The following XPOT variants were observed in gnomAD, a reference collection of about 807,000 sequenced individuals.
XPOT encodes the protein exportin for tRNA, also known as exportin-T.
In XPOT, 34 loss-of-function variants were observed where a neutral mutation model predicts 128.2. The observed-to-expected ratio is 0.27, with a 90% CI of 0.20 to 0.35. The LOEUF (loss-of-function observed/expected upper bound fraction) is 0.35. Among genes scored for constraint, XPOT ranks in the 10% least tolerant of loss-of-function variants. The pLI is 1.00. For missense variants in XPOT, 838 were observed against 1,125.3 expected (o/e 0.74, Z 3.65); for synonymous variants, 348 against 394.3 (o/e 0.88, Z 1.39).
chr12:64,414,846 T>G (rs2040072861), intron 2 of XPOT, 61 bp from the exon 3 acceptor site: 3 of 1,018,730 alleles, frequency 2.9e-6, no homozygotes, highest in Admixed American at 1.8e-5. Flanking sequence ...ATTTTGTTTA[T>G]ATTAGCAGGG....
At chr12:64,417,633 C>T (rs12827551) in intron 4 of XPOT, among the ~76,000 whole-genome samples, 2 of 151,946 alleles carry the variant, frequency 1.3e-5, no homozygotes, top group African/African-American at 2.4e-5. Flanking sequence ...GCCTGTTTTT[C>T]TACATGACAA....
At chr12:64,441,258 A>G (rs76112427) in intron 23 of XPOT, among the ~76,000 whole-genome samples, 15 of 152,200 alleles carry the variant, frequency 9.9e-5, no homozygotes, top group African/African-American at 2.9e-4. Context: ...TTCAAATTCT[A>G]TTTTGTTCCA....
intron 24 of XPOT, among the ~76,000 whole-genome samples, chr12:64,445,693 T>C (rs1183068592): frequency 1.3e-5 from 2 of 152,320 alleles, no homozygotes; most frequent in East Asian, 1.9e-4. Context: ...AATGACTGCT[T>C]TTTATGTACC....
chr12:64,439,735 G>C (rs2040310189), intron 23 of XPOT, among the ~76,000 whole-genome samples: 1 of 152,164 alleles, frequency 6.6e-6, no homozygotes, highest in African/African-American at 2.4e-5. Flanking sequence ...GCTTATCAAT[G>C]CTTAATCTGT....
chr12:64,417,946 G>C, intron 4 of XPOT, 100 bp from the exon 5 acceptor site: 4 of 808,338 alleles, frequency 4.9e-6, no homozygotes, highest in Non-Finnish European at 7.8e-6. Context: ...ATAATTGAGA[G>C]CTATACAAAT....
chr12:64,410,017 T>A lies in XPOT; in HGVS notation c.-19T>A, dbSNP rs2136010239. 1.2e-6 allele frequency: 2 copies of A among 1,612,634 alleles called. No individual in the cohort carries two copies. Among genetic ancestry groups the A allele is most frequent in the Non-Finnish European group, 1.7e-6 (2 of 1,179,068 alleles). On this transcript the variant is annotated 5_prime_UTR_variant, in exon 2 of 25. Coordinates refer to ENST00000332707, the MANE Select transcript of XPOT (RefSeq NM_007235.6). ...GGCACGCCTATTACAACCAGAAAAC[T>A]ACAAGTATAACAGCGAGGATGGATG...
At position 64,425,361 on chromosome 12, in the gene XPOT, C is replaced by G; in HGVS notation, c.1476C>G (p.Ser492=). 6.2e-7 allele frequency: 1 copy of G among 1,613,284 alleles called. No homozygotes were observed. Among genetic ancestry groups the G allele is most frequent in the Non-Finnish European group, 8.5e-7 (1 of 1,179,956 alleles). ...MRTLVTSGVS[S]YQHTSVTLEF... ...AGCTGGTAACATCAGGAGTCAGTTC[C>G]TATCAGCATACATCTGTGACATTGG... Residue 492 remains serine (S), a synonymous_variant, in exon 14 of 25, where the codon TCC becomes TCG. Transcript: ENST00000332707.
intron 21 of XPOT, 64 bp downstream of exon 21, chr12:64,434,973 G>A: frequency 7.5e-7 from 1 of 1,328,948 alleles, no homozygotes; most frequent in Non-Finnish European, 1.1e-6. Context: ...CTTCTTTAAT[G>A]CCAGGTTGAT....
intron 2 of XPOT, among the ~76,000 whole-genome samples, chr12:64,414,190 A>C (rs1313347034): frequency 6.6e-6 from 1 of 152,236 alleles, no homozygotes; most frequent in Non-Finnish European, 1.5e-5. Flanking sequence ...AGTTTGGTAG[A>C]GAGCGTATGG....
intron 1 of XPOT, among the ~76,000 whole-genome samples, chr12:64,406,272 C>T (rs1346003847): frequency 1.5e-4 from 23 of 151,778 alleles, no homozygotes. Flanking sequence ...GACGGCGTTT[C>T]ACCGTGTTGG....
chr12:64,420,548 A>T (rs200171060), intron 8 of XPOT, 27 bp downstream of exon 8: 1 of 1,575,592 alleles, frequency 6.3e-7, no homozygotes. Context: ...AAAACATTGT[A>T]TGTAAAGTTG....
At chr12:64,445,355 A>G (rs2040359608) in intron 24 of XPOT, among the ~76,000 whole-genome samples, 1 of 152,212 alleles carries the variant, frequency 6.6e-6, no homozygotes, top group Non-Finnish European at 1.5e-5. Flanking sequence ...ATTAAATAGA[A>G]ACTAGAGGGA....
intron 4 of XPOT, 40 bp from the exon 5 acceptor site, chr12:64,418,006 A>C (rs946950707): frequency 6.5e-7 from 1 of 1,532,100 alleles, no homozygotes; most frequent in Non-Finnish European, 8.9e-7. Context: ...CATAGACACC[A>C]AATATAGCCA....
intron 16 of XPOT, among the ~76,000 whole-genome samples, chr12:64,429,168 G>A (rs1476482294): frequency 6.6e-6 from 1 of 152,226 alleles, no homozygotes; most frequent in Non-Finnish European, 1.5e-5. Flanking sequence ...AATGCTGTGT[G>A]TAATGTACTT....
chr12:64,447,709 G>C (rs760392330), intron 24 of XPOT, among the ~76,000 whole-genome samples: 2 of 151,964 alleles, frequency 1.3e-5, no homozygotes, highest in African/African-American at 4.8e-5. Context: ...CAAACTCCTG[G>C]CTTCAGGCCT....
chr12:64,430,009 C>G lies in XPOT; in HGVS notation c.1738-40C>G. 2.7e-6 allele frequency: 4 copies of G among 1,503,816 alleles called. No homozygotes were observed. The South Asian group carries it at 4.2e-5, about 16-fold the overall frequency. 93.2% of individuals were successfully genotyped at this position (1,503,816 alleles called of 1,614,324 possible). A position where few individuals can be genotyped will look rare whatever the true frequency, so the allele number is the denominator to read the frequency against. ...TTTTTCTCATTAAATGAAGGGAACT[C>G]AAAAAATAAAAGCTTTAATAAGACT... On this transcript the variant is annotated intron_variant, in intron 16 of 24. Transcript: ENST00000332707.
chr12:64,411,079 A>T (rs189254053), intron 2 of XPOT, among the ~76,000 whole-genome samples: 2 of 152,354 alleles, frequency 1.3e-5, no homozygotes, highest in East Asian at 3.9e-4. Context: ...TCTGCTACTA[A>T]ATAAGTAACG....
intron 12 of XPOT, 40 bp downstream of exon 12, chr12:64,424,763 C>A: frequency 1.2e-6 from 2 of 1,606,518 alleles, no homozygotes; most frequent in Non-Finnish European, 1.7e-6. Flanking sequence ...CTACTTCTTT[C>A]TTTTGCTCTT....
chr12:64,423,687 C>T (rs951319022), intron 11 of XPOT, among the ~76,000 whole-genome samples: 6 of 152,156 alleles, frequency 3.9e-5, no homozygotes, highest in Non-Finnish European at 7.3e-5. Flanking sequence ...CTCCTGGCCT[C>T]AAGTGATCTG....
Sources: gnomAD v4.1 joint callset for allele counts (sites outside exome capture counted in the v4.1 genomes callset) on GRCh38, gnomAD v4.1.1 for gene constraint, MANE v1.5 for transcripts, NCBI Gene and HGNC (gene_info 2026-07-23, HGNC 2026-07-21) for gene names.